PUM2: variants seen among roughly 807,000 people sequenced by gnomAD.
The protein encoded by PUM2 is pumilio homolog 2.
Under a neutral mutation model 124.5 loss-of-function variants are expected in PUM2, and 57 were observed. The observed-to-expected ratio is 0.46, with a 90% CI of 0.37 to 0.57. The LOEUF (loss-of-function observed/expected upper bound fraction) is 0.57. Among genes scored for constraint, PUM2 ranks in the 20% least tolerant of loss-of-function variants. PUM2 has a pLI of 0.00. For synonymous variants in PUM2, 460 were observed against 446.1 expected (o/e 1.03, Z -0.39); for missense variants, 1,065 against 1,290.6 (o/e 0.83, Z 2.68).
intron 1 of PUM2, among the ~76,000 whole-genome samples, chr2:20,332,680 A>T (rs764232887): frequency 6.6e-6 from 1 of 152,196 alleles, no homozygotes; most frequent in Non-Finnish European, 1.5e-5. Flanking sequence ...AACAGCTACA[A>T]ATGCTGGTGT....
chr2:20,279,713 G>A (rs1386244250), intron 12 of PUM2, among the ~76,000 whole-genome samples: 1 of 152,064 alleles, frequency 6.6e-6, no homozygotes, highest in Non-Finnish European at 1.5e-5. Context: ...AGGTCATGTA[G>A]GCCCTGGTGA....
intron 1 of PUM2, 139 bp from the exon 2 acceptor site, chr2:20,327,517 AG>A: frequency 1.7e-6 from 1 of 583,268 alleles, no homozygotes; most frequent in Non-Finnish European, 2.9e-6. Flanking sequence ...TAGGGAAGAC[AG>A]GTTTTCCCAG....
At chr2:20,329,536 C>T (rs969091809) in intron 1 of PUM2, among the ~76,000 whole-genome samples, 3 of 151,400 alleles carry the variant, frequency 2.0e-5, no homozygotes, top group Middle Eastern at 6.8e-3. Flanking sequence ...GTCTGAAGAA[C>T]AAAGAGAAGG....
At position 20,280,756 on chromosome 2, in the gene PUM2, G is replaced by A. The variant is rs1024147958; in HGVS notation, c.1721-1937C>T. On this transcript the variant is annotated intron_variant, in intron 12 of 20. Transcript: ENST00000361078. ...ATGACTATGAGATATGAAACAAAGT[G>A]TACCTAAAATATCTAAGAGGGTAGA... Among the ~76,000 whole-genome samples, 11 of 152,208 alleles carry A rather than the reference G, an allele frequency of 7.2e-5. No homozygotes were observed. In the East Asian group the frequency reaches 1.9e-3, roughly 27 times the overall value.
At chr2:20,273,703 G>T (rs1669546905) in intron 13 of PUM2, among the ~76,000 whole-genome samples, 1 of 152,142 alleles carries the variant, frequency 6.6e-6, no homozygotes, top group African/African-American at 2.4e-5. Flanking sequence ...ATATTAACAT[G>T]AGAACCTGTA....
chr2:20,268,074 T>C (rs1668129714), intron 13 of PUM2, among the ~76,000 whole-genome samples: 1 of 152,182 alleles, frequency 6.6e-6, no homozygotes, highest in South Asian at 2.1e-4. Context: ...TAAAGAAATC[T>C]GTCTAGCCTT....
chr2:20,287,394 T>C (rs1266250240), intron 10 of PUM2, among the ~76,000 whole-genome samples: 1 of 152,122 alleles, frequency 6.6e-6, no homozygotes, highest in Admixed American at 6.6e-5. Context: ...GGGACCATAT[T>C]AAAAGATGAG....
At chr2:20,313,285 T>C (rs1220501221) in intron 3 of PUM2, among the ~76,000 whole-genome samples, 1 of 152,118 alleles carries the variant, frequency 6.6e-6, no homozygotes. Flanking sequence ...CTACAGAATT[T>C]GGGAGAAAAC....
chr2:20,265,485 G>T (rs192576258), intron 13 of PUM2, among the ~76,000 whole-genome samples: 1 of 152,288 alleles, frequency 6.6e-6, no homozygotes, highest in African/African-American at 2.4e-5. Context: ...TAGCCCATCT[G>T]ATTCTTTAAA....
At chr2:20,319,528 T>C (rs1232902723) in intron 2 of PUM2, among the ~76,000 whole-genome samples, 5 of 152,246 alleles carry the variant, frequency 3.3e-5, no homozygotes, top group Non-Finnish European at 7.3e-5. Context: ...ATTACCTATA[T>C]GTTTACCTCT....
chr2:20,341,402 T>C (rs952994632), intron 1 of PUM2, among the ~76,000 whole-genome samples: 2 of 152,168 alleles, frequency 1.3e-5, no homozygotes, highest in African/African-American at 4.8e-5. Context: ...TAAAGTTACA[T>C]GTAAAATGTC....
intron 7 of PUM2, among the ~76,000 whole-genome samples, chr2:20,305,036 G>A (rs1295082147): frequency 6.6e-6 from 1 of 152,148 alleles, no homozygotes; most frequent in African/African-American, 2.4e-5. Context: ...TTGCTTAACT[G>A]TGGAATTGAG....
chr2:20,293,958 A>G (rs1674867179), intron 9 of PUM2, among the ~76,000 whole-genome samples: 2 of 152,128 alleles, frequency 1.3e-5, no homozygotes, highest in Non-Finnish European at 2.9e-5. Flanking sequence ...AAAATATTTT[A>G]TCATTTCTTG....
chr2:20,299,949 G>A (rs1319627956), intron 7 of PUM2, among the ~76,000 whole-genome samples: 1 of 152,166 alleles, frequency 6.6e-6, no homozygotes, highest in African/African-American at 2.4e-5. Context: ...TCAATAGAAA[G>A]GAAATGCTTG....
chr2:20,282,518 T>C (rs1671777594), intron 12 of PUM2, among the ~76,000 whole-genome samples: 1 of 152,210 alleles, frequency 6.6e-6, no homozygotes, highest in Non-Finnish European at 1.5e-5. Context: ...ACTACCAGCA[T>C]TTAATAAGAA....
At chr2:20,335,908 G>A (rs1685897287) in intron 1 of PUM2, among the ~76,000 whole-genome samples, 1 of 152,094 alleles carries the variant, frequency 6.6e-6, no homozygotes, top group Non-Finnish European at 1.5e-5. Flanking sequence ...TCTCTGAAAG[G>A]GGAATCACCA....
chr2:20,324,939 A>T (rs905218873), intron 2 of PUM2, among the ~76,000 whole-genome samples: 3 of 58,460 alleles, frequency 5.1e-5, no homozygotes, highest in South Asian at 6.2e-4. Context: ...GTTTTGCATT[A>T]AAAAAAAAAA....
Position 20,249,836 on chromosome 2 carries a change from GTTTT to G in PUM2, c.*1745_*1748del, listed in dbSNP as rs35997772. The G allele has an allele frequency of 4.6e-5, 7 of 152,586 alleles. No individual in the cohort carries two copies. The highest frequency in any genetic ancestry group is 1.7e-4 in the African/African-American group (7 of 41,504). The allele number at this position is 152,586 out of a possible 1,614,324, so 9.5% of individuals were successfully genotyped here. A position where few individuals can be genotyped will look rare whatever the true frequency, so the allele number is the denominator to read the frequency against. On this transcript the variant is annotated 3_prime_UTR_variant, in exon 21 of 21. Coordinates refer to ENST00000361078, the MANE Select transcript of PUM2 (RefSeq NM_015317.5). ...TTCAGAAACTGAATATACACAGCAA[GTTTT>G]TTTCCAAAATATTTTCATAGGCAAA...
intron 13 of PUM2, among the ~76,000 whole-genome samples, chr2:20,268,347 C>G (rs1023777542): frequency 4.6e-5 from 7 of 152,200 alleles, no homozygotes; most frequent in African/African-American, 1.7e-4. Flanking sequence ...TGCGGTGGCT[C>G]AGGCCTGTAA....
Sources: allele counts gnomAD v4.1 joint callset (sites outside exome capture counted in the v4.1 genomes callset), GRCh38; gene constraint gnomAD v4.1.1; transcripts MANE v1.5; gene names NCBI Gene and HGNC (gene_info 2026-07-23, HGNC 2026-07-21).